The following EVI5 variants were observed in gnomAD, a reference collection of about 807,000 sequenced individuals.
The protein encoded by EVI5 is ecotropic viral integration site 5 protein homolog.
EVI5 carries 73 observed loss-of-function variants against 112.0 expected under a neutral mutation model. The observed-to-expected ratio is 0.65, with a 90% CI of 0.54 to 0.79. EVI5 has a LOEUF of 0.79. Ranked by LOEUF, EVI5 falls within the 30% of genes least tolerant of loss-of-function variation. The probability of loss-of-function intolerance (pLI) is 0.00; values close to 1 mark genes in which losing one functional copy is unlikely to be tolerated. For missense variants in EVI5, 900 were observed against 968.8 expected (o/e 0.93, Z 0.94); for synonymous variants, 305 against 319.9 (o/e 0.95, Z 0.50).
chr1:92,774,365 C>T (rs1048951267), intron 1 of EVI5, among the ~76,000 whole-genome samples: 6 of 152,224 alleles, frequency 3.9e-5, no homozygotes, highest in South Asian at 2.1e-4. Context: ...TATCTGCTAA[C>T]GCTGTTCTGA....
At chr1:92,623,748 TAGG>T (rs1655063312) in intron 16 of EVI5, among the ~76,000 whole-genome samples, 1 of 152,176 alleles carries the variant, frequency 6.6e-6, no homozygotes, top group African/African-American at 2.4e-5. Flanking sequence ...CAACCTGAGG[TAGG>T]AGAGCCGTTA....
chr1:92,653,604 C>T (rs1662518093), intron 13 of EVI5, among the ~76,000 whole-genome samples: 1 of 152,236 alleles, frequency 6.6e-6, no homozygotes, highest in Non-Finnish European at 1.5e-5. Flanking sequence ...ATGGGTGCAT[C>T]AGAGCACACA....
At chr1:92,561,558 T>A (rs1223017140) in intron 19 of EVI5, among the ~76,000 whole-genome samples, 2 of 106,480 alleles carry the variant, frequency 1.9e-5, no homozygotes. Flanking sequence ...AGACTGACTA[T>A]CTATCTATCT....
chr1:92,742,089 AG>A (rs1406538293), intron 1 of EVI5, among the ~76,000 whole-genome samples: 2 of 152,160 alleles, frequency 1.3e-5, no homozygotes, highest in Admixed American at 1.3e-4. Context: ...GAATATATAA[AG>A]AACTCCTACA....
intron 5 of EVI5, among the ~76,000 whole-genome samples, chr1:92,700,008 T>C (rs1407676055): frequency 1.3e-5 from 2 of 152,132 alleles, no homozygotes; most frequent in South Asian, 2.1e-4. Context: ...TTGAGGTAAT[T>C]TGACAAAAGA....
chr1:92,561,556 T>TG (rs1557789366), intron 19 of EVI5, among the ~76,000 whole-genome samples: 1 of 106,322 alleles, frequency 9.4e-6, no homozygotes, highest in East Asian at 2.4e-4. Context: ...TGAGACTGAC[T>TG]ATCTATCTAT....
At chr1:92,768,843 C>G (rs1373263548) in intron 1 of EVI5, among the ~76,000 whole-genome samples, 2 of 152,170 alleles carry the variant, frequency 1.3e-5, no homozygotes, top group African/African-American at 4.8e-5. Flanking sequence ...CCACCACACT[C>G]CAGCTTGGGC....
chr1:92,766,807 C>T (rs998644809), intron 1 of EVI5, among the ~76,000 whole-genome samples: 2 of 152,130 alleles, frequency 1.3e-5, no homozygotes, highest in Admixed American at 1.3e-4. Flanking sequence ...CTCGGCCAGG[C>T]GCAGTGATTC....
At chr1:92,789,621 G>A (rs761485853), upstream of EVI5, among the ~76,000 whole-genome samples, 14 of 152,058 alleles carry the variant, frequency 9.2e-5, no homozygotes, top group African/African-American at 2.4e-4. Flanking sequence ...TTTTATTTGC[G>A]GTAAATTCAG....
chr1:92,559,609 T>C (rs775768651), intron 19 of EVI5, among the ~76,000 whole-genome samples: 2 of 151,168 alleles, frequency 1.3e-5, no homozygotes, highest in Non-Finnish European at 3.0e-5. Context: ...CCGTCTCTAC[T>C]AAAAAAATGC....
intron 2 of EVI5, among the ~76,000 whole-genome samples, chr1:92,733,893 T>A (rs1177401934): frequency 6.6e-6 from 1 of 152,196 alleles, no homozygotes; most frequent in Non-Finnish European, 1.5e-5. Context: ...CTGCTCCAAG[T>A]CATCTTCACT....
intron 6 of EVI5, 115 bp downstream of exon 6, chr1:92,697,745 C>G: frequency 3.6e-6 from 3 of 837,644 alleles, no homozygotes; most frequent in Non-Finnish European, 5.6e-6. Flanking sequence ...AATTAAAACA[C>G]TTACTTCTTC....
intron 13 of EVI5, among the ~76,000 whole-genome samples, chr1:92,661,194 CT>C (rs2102160965): frequency 6.6e-6 from 1 of 152,114 alleles, no homozygotes; most frequent in African/African-American, 2.4e-5. Flanking sequence ...TCAATACCTC[CT>C]GCTGGAATAC....
At chr1:92,574,743 A>G (rs1183601710) in intron 18 of EVI5, among the ~76,000 whole-genome samples, 1 of 152,198 alleles carries the variant, frequency 6.6e-6, no homozygotes, top group African/African-American at 2.4e-5. Context: ...GTTTTTCTAT[A>G]AACAGAGTGG....
At chr1:92,537,471 T>C (rs1664087650) in intron 19 of EVI5, among the ~76,000 whole-genome samples, 1 of 152,226 alleles carries the variant, frequency 6.6e-6, no homozygotes, top group African/African-American at 2.4e-5. Context: ...CTAGAGGCTT[T>C]ACTTTTTTTT....
intron 1 of EVI5, among the ~76,000 whole-genome samples, chr1:92,747,847 C>G (rs1296340562): frequency 6.6e-6 from 1 of 151,858 alleles, no homozygotes; most frequent in African/African-American, 2.4e-5. Flanking sequence ...CTTCCCTTGC[C>G]TCTTCCTAGC....
rs1234482781 is a variant in EVI5, at chr1:92,744,614, AC to A, written c.-81-7988del. Among the ~76,000 whole-genome samples the A allele has an allele frequency of 2.4e-4, 34 of 141,988 alleles. 1 individual carries two copies. The highest frequency in any genetic ancestry group is 9.3e-4 in the African/African-American group (34 of 36,690). 93.1% of individuals were successfully genotyped at this position (141,988 alleles called of 152,430 possible). On this transcript the variant is annotated intron_variant, in intron 1 of 19. Transcript: ENST00000684568. ...CTCTCTCTCTCTCACACACACACACACACACACACACACACACACACACACA... is the reference window on the plus strand; with the variant it reads ...CTCTCTCTCTCTCACACACACACACAACACACACACACACACACACACACA...
At chr1:92,567,181 AAAG>A (rs1669633390) in intron 18 of EVI5, among the ~76,000 whole-genome samples, 2 of 152,290 alleles carry the variant, frequency 1.3e-5, no homozygotes, top group South Asian at 4.1e-4. Context: ...AGACACAGAG[AAAG>A]AAGATATTTT....
chr1:92,541,398 C>T (rs1481350147), intron 19 of EVI5, among the ~76,000 whole-genome samples: 3 of 152,146 alleles, frequency 2.0e-5, no homozygotes, highest in Admixed American at 1.3e-4. Flanking sequence ...TGCTCAATAT[C>T]ATTAGCCACC....
Sources: gnomAD v4.1 joint callset for allele counts (sites outside exome capture counted in the v4.1 genomes callset) on GRCh38, gnomAD v4.1.1 for gene constraint, MANE v1.5 for transcripts, NCBI Gene and HGNC (gene_info 2026-07-23, HGNC 2026-07-21) for gene names.